Variants in ADAMTSL1 observed in about 807,000 individuals in gnomAD.
ADAMTSL1 encodes ADAMTS like 1, also known as ADAMTS-like protein 1.
In ADAMTSL1, 126 loss-of-function variants were observed where a neutral mutation model predicts 201.8. That is an observed-to-expected ratio of 0.62 (90% CI 0.54 to 0.72). The LOEUF is 0.72. ADAMTSL1 is among the 30% of genes least tolerant of loss of function. ADAMTSL1 has a pLI of 0.00. For missense variants in ADAMTSL1, 2,679 were observed against 2,277.8 expected (o/e 1.18, Z -3.59); for synonymous variants, 1,121 against 903.4 (o/e 1.24, Z -4.32).
chr9:18,784,323 G>T (rs193002299), intron 19 of ADAMTSL1, among the ~76,000 whole-genome samples: 2 of 152,280 alleles, frequency 1.3e-5, no homozygotes, highest in East Asian at 3.9e-4. Context: ...CTATATTTAA[G>T]AATGTGTCTT....
intron 3 of ADAMTSL1, among the ~76,000 whole-genome samples, chr9:18,543,444 C>G (rs530968036): frequency 6.6e-6 from 1 of 152,154 alleles, no homozygotes; most frequent in African/African-American, 2.4e-5. Flanking sequence ...GGGCAGAGCC[C>G]CTATCCACCC....
In ADAMTSL1 at chr9:18,126,012, C is replaced by G. The variant is rs555373195; in HGVS notation, c.88-37850C>G. 3.3e-5 allele frequency among the ~76,000 whole-genome samples: 5 copies of G among 152,180 alleles called. 1 individual carries two copies. Among genetic ancestry groups the G allele is most frequent in the African/African-American group, 1.2e-4 (5 of 41,540 alleles). On this transcript the variant is annotated intron_variant, in intron 1 of 29. Transcript: ENST00000680146. ...GTGTGAACATCATGCCAGTAGGAACCCTGCCTGACGTACCTGCCACCAAAA... is the reference window on the plus strand; with the variant it reads ...GTGTGAACATCATGCCAGTAGGAACGCTGCCTGACGTACCTGCCACCAAAA...
intron 23 of ADAMTSL1, among the ~76,000 whole-genome samples, chr9:18,883,036 G>C (rs567367008): frequency 6.6e-6 from 1 of 151,828 alleles, no homozygotes; most frequent in South Asian, 2.1e-4. Flanking sequence ...GTAAGAGCTG[G>C]GTCAGCACAC....
At chr9:18,028,545 T>C (rs558671345) in intron 1 of ADAMTSL1, among the ~76,000 whole-genome samples, 1 of 152,026 alleles carries the variant, frequency 6.6e-6, no homozygotes, top group Non-Finnish European at 1.5e-5. Flanking sequence ...TTAAGATTTT[T>C]CTTTTGTCAA....
At position 18,866,116 on chromosome 9, in the gene ADAMTSL1, C is replaced by CA. The variant is rs76778655; in HGVS notation, c.4250-21701dup. ...AGAGAGATTGCTTGCCTTCAAAAAC[C>CA]AAAAAAAAAAAAAATGACGGATACT... On this transcript the variant is annotated intron_variant, in intron 23 of 28. Transcript: ENST00000380548. Among the ~76,000 whole-genome samples, 758 of 78,540 alleles carry CA rather than the reference C, an allele frequency of 9.7e-3. 69 individuals carry two copies. Among genetic ancestry groups the CA allele is most frequent in the South Asian group, 0.023 (44 of 1,882 alleles). The allele number at this position is 78,540 out of a possible 152,430, so 51.5% of individuals were successfully genotyped here.
rs750055107 is a variant in ADAMTSL1 at position 18,680,450 on chromosome 9, G to A, written c.1275G>A (p.Lys425=). ...AGTGGAAATGCATGTACACCCCTAA[G>A]ATGCCCATCGCGCAGCCCTGCAACA... ...VEEWKCMYTP[K]MPIAQPCNIF... The change falls in exon 11 of 29, where the codon AAG becomes AAA. Residue 425 remains lysine, a synonymous_variant. Coordinates refer to ENST00000380548, the MANE Select transcript of ADAMTSL1 (RefSeq NM_001040272.6). 1 of 1,614,028 alleles carries A rather than the reference G, an allele frequency of 6.2e-7. No homozygotes were observed. The highest frequency in any genetic ancestry group is 8.5e-7 in the Non-Finnish European group (1 of 1,180,026).
At chr9:18,231,786 G>T (rs1242343711) in intron 2 of ADAMTSL1, among the ~76,000 whole-genome samples, 1 of 152,152 alleles carries the variant, frequency 6.6e-6, no homozygotes, top group Non-Finnish European at 1.5e-5. Context: ...TATCTTTCTA[G>T]TTGCTTATGC....
chr9:18,284,997 C>A (rs1832941576), intron 2 of ADAMTSL1, among the ~76,000 whole-genome samples: 1 of 152,098 alleles, frequency 6.6e-6, no homozygotes, highest in Admixed American at 6.5e-5. Flanking sequence ...AACAATCATT[C>A]AAGGAACATC....
Position 17,966,101 on chromosome 9 carries a change from T to C in ADAMTSL1, c.87+59179T>C, listed in dbSNP as rs558205836. ...ATATGGTCCACATATTTTAGAAATG[T>C]TGAGGCCCACCAGGAGCTTCTTGGA... On this transcript the variant is annotated intron_variant, in intron 1 of 29. Coordinates refer to the ADAMTSL1 transcript ENST00000680146. 9.2e-5 allele frequency among the ~76,000 whole-genome samples: 14 copies of C among 152,262 alleles called. 1 individual carries two copies. The South Asian group carries it at 2.7e-3, about 29-fold the overall frequency.
chr9:18,894,909 C>T (rs1053737988), intron 26 of ADAMTSL1, among the ~76,000 whole-genome samples: 3 of 152,082 alleles, frequency 2.0e-5, no homozygotes, highest in Non-Finnish European at 4.4e-5. Context: ...AAAAGATTAA[C>T]CTAATGAGTA....
At chr9:18,590,681 C>T (rs1479922853) in intron 4 of ADAMTSL1, among the ~76,000 whole-genome samples, 1 of 151,972 alleles carries the variant, frequency 6.6e-6, no homozygotes, top group Non-Finnish European at 1.5e-5. Flanking sequence ...TAGTATCACT[C>T]TTCCTGTATC....
intron 2 of ADAMTSL1, among the ~76,000 whole-genome samples, chr9:18,395,686 A>G (rs1817726351): frequency 6.6e-6 from 1 of 152,170 alleles, no homozygotes; most frequent in African/African-American, 2.4e-5. Context: ...CTCAACTGCA[A>G]GTGGTCAAAG....
At chr9:18,797,032 A>G (rs1822466725) in intron 20 of ADAMTSL1, among the ~76,000 whole-genome samples, 2 of 152,234 alleles carry the variant, frequency 1.3e-5, no homozygotes, top group African/African-American at 2.4e-5. Flanking sequence ...GGAATTAAGC[A>G]AGGCAATTGT....
chr9:18,643,534 T>C (rs1392147722), intron 7 of ADAMTSL1, among the ~76,000 whole-genome samples: 1 of 152,148 alleles, frequency 6.6e-6, no homozygotes, highest in Non-Finnish European at 1.5e-5. Context: ...AGTAATTTTA[T>C]AGTTTCAGGT....
chr9:17,941,593 A>T (rs1827240590), intron 1 of ADAMTSL1, among the ~76,000 whole-genome samples: 3 of 152,102 alleles, frequency 2.0e-5, no homozygotes, highest in Admixed American at 2.0e-4. Context: ...CTACTATCAA[A>T]TGTCTGTCAG....
At chr9:18,728,109 TAA>T (rs1818004362) in intron 15 of ADAMTSL1, among the ~76,000 whole-genome samples, 1 of 150,688 alleles carries the variant, frequency 6.6e-6, no homozygotes, top group East Asian at 2.0e-4. Flanking sequence ...AATAAATAAA[TAA>T]ATAAATAAAT....
intron 1 of ADAMTSL1, among the ~76,000 whole-genome samples, chr9:17,926,011 A>G (rs892414132): frequency 5.9e-5 from 9 of 152,102 alleles, no homozygotes; most frequent in South Asian, 2.1e-4. Flanking sequence ...TGTGCCTATT[A>G]TTTAGGATGT....
intron 3 of ADAMTSL1, among the ~76,000 whole-genome samples, chr9:18,549,634 A>G (rs1820678103): frequency 6.6e-6 from 1 of 152,006 alleles, no homozygotes; most frequent in African/African-American, 2.4e-5. Flanking sequence ...GTCTGGGACT[A>G]TTGAACTTCC....
intron 1 of ADAMTSL1, among the ~76,000 whole-genome samples, chr9:18,131,052 A>T (rs1203315070): frequency 1.3e-5 from 2 of 152,182 alleles, no homozygotes; most frequent in African/African-American, 4.8e-5. Context: ...AAAGTAGAAA[A>T]TCCTTAGAAA....
Sources: gnomAD v4.1 joint callset for allele counts (sites outside exome capture counted in the v4.1 genomes callset) on GRCh38, gnomAD v4.1.1 for gene constraint, MANE v1.5 for transcripts, NCBI Gene and HGNC (gene_info 2026-07-23, HGNC 2026-07-21) for gene names.